DHRS9: variants seen among roughly 807,000 people sequenced by gnomAD.
DHRS9 encodes the protein dehydrogenase/reductase SDR family member 9.
DHRS9 carries 18 observed loss-of-function variants against 26.6 expected under a neutral mutation model. The ratio of observed to expected loss-of-function variants is 0.68; its 90% CI spans 0.47 to 1.00. DHRS9 has a LOEUF of 1.00. Ranked by LOEUF, DHRS9 falls within the 50% of genes least tolerant of loss-of-function variation. DHRS9 has a pLI of 0.00. For missense variants in DHRS9, 425 were observed against 378.7 expected, an observed-to-expected ratio of 1.12 and a Z score of -1.01; for synonymous variants, 134 against 141.1, an observed-to-expected ratio of 0.95 and a Z score of 0.36.
chr2:169,078,758 C>A (rs1282760679), intron 1 of DHRS9, among the ~76,000 whole-genome samples: 3 of 149,464 alleles, frequency 2.0e-5, no homozygotes, highest in African/African-American at 7.4e-5. Flanking sequence ...CCACAAGAAT[C>A]AAGTAGGTTC....
At chr2:169,073,869 C>T (rs1683883613) in intron 1 of DHRS9, among the ~76,000 whole-genome samples, 1 of 152,124 alleles carries the variant, frequency 6.6e-6, no homozygotes, top group Non-Finnish European at 1.5e-5. Context: ...GGACTCCCAA[C>T]ACTAGGAAGT....
chr2:169,077,223 T>G (rs1183097932), intron 1 of DHRS9, among the ~76,000 whole-genome samples: 2 of 152,330 alleles, frequency 1.3e-5, no homozygotes, highest in Non-Finnish European at 2.9e-5. Flanking sequence ...TTCTTCTCTT[T>G]GAATTGTGCA....
chr2:169,076,410 A>C (rs1251148003), intron 1 of DHRS9, among the ~76,000 whole-genome samples: 3 of 152,210 alleles, frequency 2.0e-5, no homozygotes, highest in Admixed American at 1.3e-4. Flanking sequence ...GCTTTTCCAA[A>C]GAACATGAAC....
intron 1 of DHRS9, among the ~76,000 whole-genome samples, chr2:169,072,107 G>T (rs1351050566): frequency 6.6e-6 from 1 of 151,538 alleles, no homozygotes; most frequent in African/African-American, 2.4e-5. Context: ...TAAGTCAACC[G>T]GGTTTACAAT....
rs201254962 is a variant in DHRS9, at chr2:169,083,335, G to T, written c.320G>T (p.Trp107Leu). ...TCCTTCCTCTCTGTTCTAGGTCTCT[G>T]GGGTCTGATCAATAATGCTGGTGTT... is the stretch of plus-strand genomic sequence containing the variant. ...VKNQVGEKGL[W>L]GLINNAGVPG... Residue 107 changes from tryptophan (W) to leucine (L), a missense_variant, in exon 3 of 5, where the codon TGG becomes TTG. Physicochemically the swap from Trp to Leu is moderately conservative, Grantham distance 61. Transcript: ENST00000674881. The T allele has an allele frequency of 6.2e-7, 1 of 1,613,894 alleles. No homozygotes were observed. The highest frequency in any genetic ancestry group is 8.5e-7 in the Non-Finnish European group (1 of 1,179,836).
intron 4 of DHRS9, among the ~76,000 whole-genome samples, chr2:169,092,269 T>C (rs1389241503): frequency 6.6e-6 from 1 of 152,208 alleles, no homozygotes; most frequent in African/African-American, 2.4e-5. Flanking sequence ...CAACACCTCC[T>C]AGTCATGCCT....
chr2:169,080,259 G>A (rs1463165950), intron 1 of DHRS9, among the ~76,000 whole-genome samples: 3 of 152,174 alleles, frequency 2.0e-5, no homozygotes, highest in Admixed American at 2.0e-4. Flanking sequence ...GGACACAGGA[G>A]GAAGCTTTTT....
chr2:169,091,655 G>C (rs1165174349), intron 3 of DHRS9, 135 bp from the exon 4 acceptor site: 6 of 983,682 alleles, frequency 6.1e-6, no homozygotes, highest in Middle Eastern at 2.5e-4. Context: ...GAAAGGGAGA[G>C]AGAATAAGAT....
At chr2:169,070,169 G>A (rs1683756830) in intron 1 of DHRS9, 1 of 985,380 alleles carries the variant, frequency 1.0e-6, no homozygotes, top group Non-Finnish European at 1.2e-6. Flanking sequence ...AATATTATCA[G>A]ATGTAAGTTT....
In DHRS9 at chr2:169,095,734, G is replaced by A. The variant is rs1173252572; in HGVS notation, c.927G>A (p.Gln309=). The change falls in exon 5 of 5, where the codon CAG becomes CAA. Residue 309 remains glutamine, a synonymous_variant. Coordinates refer to ENST00000674881, the MANE Select transcript of DHRS9 (RefSeq NM_001376924.1). The part of the protein sequence containing the change: ...AALQDFLLLK[Q]KAELANPKAV ...TGCAAGACTTTTTATTGTTGAAACA[G>A]AAAGCAGAGCTGGCTAATCCCAAGG... 1 of 1,613,816 alleles carries A rather than the reference G, an allele frequency of 6.2e-7. No homozygotes were observed. Among genetic ancestry groups the A allele is most frequent in the Admixed American group, 1.7e-5 (1 of 59,960 alleles).
At chr2:169,075,612 A>T (rs574862215) in intron 1 of DHRS9, among the ~76,000 whole-genome samples, 1 of 152,184 alleles carries the variant, frequency 6.6e-6, no homozygotes, top group East Asian at 1.9e-4. Flanking sequence ...AGAAAAAAAA[A>T]TTTTGATCCA....
chr2:169,072,784 G>A (rs755672892), intron 1 of DHRS9: 9 of 326,774 alleles, frequency 2.8e-5, no homozygotes, highest in East Asian at 1.7e-4. Flanking sequence ...GCCTGCTGTC[G>A]ACTGATAATG....
intron 1 of DHRS9, chr2:169,081,021 C>A: frequency 4.0e-6 from 2 of 497,764 alleles, no homozygotes; most frequent in Non-Finnish European, 5.2e-6. Flanking sequence ...ATCTTAGTGG[C>A]AACAAAAAAT....
chr2:169,089,746 T>G (rs1359943428), intron 3 of DHRS9, among the ~76,000 whole-genome samples: 1 of 152,202 alleles, frequency 6.6e-6, no homozygotes, highest in African/African-American at 2.4e-5. Context: ...ATTGGAACAA[T>G]TCTTCCAAAA....
chr2:169,095,678 T>C lies in DHRS9; in HGVS notation c.871T>C (p.Trp291Arg), dbSNP rs987941687. Reference protein sequence around the residue: ...YAAGKDAKIFWIPLSHMPAAL... With the variant: ...YAAGKDAKIFRIPLSHMPAAL... Reference sequence around the variant, plus strand: ...CGCTGGAAAAGATGCCAAAATTTTCTGGATACCTCTGTCTCACATGCCAGC... The same window carrying C: ...CGCTGGAAAAGATGCCAAAATTTTCCGGATACCTCTGTCTCACATGCCAGC... Residue 291 changes from tryptophan (W) to arginine (R), a missense_variant, in exon 5 of 5, where the codon TGG becomes CGG. Coordinates refer to ENST00000674881, the MANE Select transcript of DHRS9 (RefSeq NM_001376924.1). 13 of 1,613,938 alleles carry C rather than the reference T, an allele frequency of 8.1e-6. No homozygotes were observed. Among genetic ancestry groups the C allele is most frequent in the African/African-American group, 4.0e-5 (3 of 74,930 alleles).
chr2:169,081,691 G>A lies in DHRS9; in HGVS notation c.110G>A (p.Cys37Tyr), dbSNP rs933013676. 3 of 1,614,072 alleles carry A rather than the reference G, an allele frequency of 1.9e-6. No individual in the cohort carries two copies. The highest frequency in any genetic ancestry group is 1.7e-5 in the Admixed American group (1 of 60,002). The change falls in exon 2 of 5, where the codon TGT becomes TAT. Residue 37 changes from cysteine (C) to tyrosine (Y), a missense_variant. Cys to Tyr is a radical substitution (Grantham distance 194, BLOSUM62 -2). Transcript: ENST00000674881. Reference sequence around the variant, plus strand: ...GATAAGTACATTTTTATCACTGGATGTGACTCGGGCTTTGGAAACTTGGCA... The same window carrying A: ...GATAAGTACATTTTTATCACTGGATATGACTCGGGCTTTGGAAACTTGGCA... ...ITDKYIFITG[C>Y]DSGFGNLAAR...
At position 169,079,875 on chromosome 2, in the gene DHRS9, A is replaced by G. The variant is rs995868637; in HGVS notation, c.-59-1648A>G. Among the ~76,000 whole-genome samples, 584 of 79,634 alleles carry G rather than the reference A, an allele frequency of 7.3e-3. 37 individuals carry two copies. Among genetic ancestry groups the G allele is most frequent in the African/African-American group, 0.054 (555 of 10,194 alleles). The allele number at this position is 79,634 out of a possible 152,430, so 52.2% of individuals were successfully genotyped here. ...AAATTCCATCTGAAAGAAAGAAAGA[A>G]AGAAAGAAAGAGAGAGAGAGAGGGA... On this transcript the variant is annotated intron_variant, in intron 1 of 4. Coordinates refer to ENST00000674881, the MANE Select transcript of DHRS9 (RefSeq NM_001376924.1).
At chr2:169,069,420 CT>C (rs1296795960), upstream of DHRS9, 37 of 985,242 alleles carry the variant, frequency 3.8e-5, no homozygotes, top group Non-Finnish European at 4.5e-5. Context: ...TAAATTTATA[CT>C]GCTGATTCCT....
intron 4 of DHRS9, 105 bp downstream of exon 4, chr2:169,092,058 A>G: frequency 6.5e-6 from 8 of 1,231,650 alleles, no homozygotes; most frequent in Non-Finnish European, 7.8e-6. Context: ...TAATACCCCA[A>G]TAAGGATCTT....
Sources: allele counts gnomAD v4.1 joint callset (sites outside exome capture counted in the v4.1 genomes callset), GRCh38; gene constraint gnomAD v4.1.1; transcripts MANE v1.5; gene names NCBI Gene and HGNC (gene_info 2026-07-23, HGNC 2026-07-21).